Variants in GRB14 observed in about 807,000 individuals in gnomAD.
GRB14 encodes growth factor receptor bound protein 14, also known as growth factor receptor-bound protein 14.
GRB14 carries 38 observed loss-of-function variants against 69.1 expected under a neutral mutation model. The ratio of observed to expected loss-of-function variants is 0.55; its 90% CI spans 0.42 to 0.72. GRB14 has a LOEUF of 0.72. Ranked by LOEUF, GRB14 falls within the 30% of genes least tolerant of loss-of-function variation. The pLI is 0.00. For missense variants in GRB14, 666 were observed against 666.1 expected (o/e 1.00, Z 0.00); for synonymous variants, 247 against 241.3 (o/e 1.02, Z -0.22).
Position 164,621,148 on chromosome 2 carries a change from C to T in GRB14, c.162G>A (p.Pro54=). ...CTGCAGCACAGCCGCGGGTCCCGTC[C>T]GGAAGGGGCAGGAGCGCTCGCGCGT... ...WLHARALLPL[P]DGTRGCAADR... is the part of the protein sequence containing the mutation. The change falls in exon 1 of 14, where the codon CCG becomes CCA. Residue 54 remains proline (P), a synonymous_variant. Transcript: ENST00000263915. The surrounding 1 kb of genome is among the most constrained non-coding windows in gnomAD (Gnocchi z 6.0). The T allele has an allele frequency of 3.2e-6, 4 of 1,246,034 alleles. No homozygotes were observed. The highest frequency in any genetic ancestry group is 3.2e-5 in the East Asian group (1 of 31,726). 77.2% of individuals were successfully genotyped at this position (1,246,034 alleles called of 1,614,324 possible).
chr2:164,555,915 TTTTC>T (rs1408441531), intron 2 of GRB14, among the ~76,000 whole-genome samples: 3 of 151,856 alleles, frequency 2.0e-5, no homozygotes, highest in Non-Finnish European at 4.4e-5. Flanking sequence ...GTTTCAATAT[TTTTC>T]TTTATTATTT....
intron 2 of GRB14, among the ~76,000 whole-genome samples, chr2:164,615,113 T>C (rs1249417770): frequency 6.6e-6 from 1 of 152,182 alleles, no homozygotes; most frequent in Admixed American, 6.5e-5. Context: ...TTATTTAAAC[T>C]GTGGAAGCAT....
At chr2:164,543,142 T>TA (rs546471070) in intron 3 of GRB14, among the ~76,000 whole-genome samples, 6,684 of 147,750 alleles carry the variant, frequency 0.045, 204 homozygotes, top group African/African-American at 0.098. Flanking sequence ...AAAATAAAAT[T>TA]AAAAAAAAAA....
intron 2 of GRB14, among the ~76,000 whole-genome samples, chr2:164,550,864 C>A (rs2105313387): frequency 6.6e-6 from 1 of 152,220 alleles, no homozygotes; most frequent in Non-Finnish European, 1.5e-5. Flanking sequence ...CTTTGTCTAC[C>A]AGTCGCCTAC....
chr2:164,591,200 A>G (rs1689654664), intron 2 of GRB14, among the ~76,000 whole-genome samples: 1 of 152,206 alleles, frequency 6.6e-6, no homozygotes, highest in South Asian at 2.1e-4. Context: ...AAGACTAGGG[A>G]AGGAGAAAGA....
Position 164,621,461 on chromosome 2 carries a change from G to A in GRB14, c.-152C>T, listed in dbSNP as rs1461202062. ...CTGCGCTCGGGGCCCCGGCGGCTGA[G>A]ACGCGCGGCCGAGCTATCTGCGAGG... is the stretch of plus-strand genomic sequence containing the variant. On this transcript the variant is annotated 5_prime_UTR_variant, in exon 1 of 14. Transcript: ENST00000263915. This position sits in a 1 kb window ranked among gnomAD's most constrained non-coding sequence, Gnocchi z 6.0. 1 of 397,186 alleles carries A rather than the reference G, an allele frequency of 2.5e-6. No homozygotes were observed. Among genetic ancestry groups the A allele is most frequent in the Admixed American group, 5.0e-5 (1 of 20,148 alleles). 24.6% of individuals were successfully genotyped at this position (397,186 alleles called of 1,614,324 possible).
chr2:164,544,075 T>G (rs1231991313), intron 3 of GRB14, among the ~76,000 whole-genome samples: 1 of 152,246 alleles, frequency 6.6e-6, no homozygotes, highest in African/African-American at 2.4e-5. Flanking sequence ...AAATTCTTTC[T>G]TATGAGCTTT....
chr2:164,496,573 G>A (rs1686901318), intron 12 of GRB14, among the ~76,000 whole-genome samples: 1 of 151,888 alleles, frequency 6.6e-6, no homozygotes, highest in African/African-American at 2.4e-5. Context: ...TTAAGAAACA[G>A]CTTTTTACTT....
chr2:164,555,711 G>A (rs1356971661), intron 2 of GRB14, among the ~76,000 whole-genome samples: 1 of 150,136 alleles, frequency 6.7e-6, no homozygotes, highest in Non-Finnish European at 1.5e-5. Flanking sequence ...TTTTTAAACA[G>A]AAATATAAAT....
At chr2:164,601,266 G>C (rs2105352405) in intron 2 of GRB14, among the ~76,000 whole-genome samples, 1 of 152,094 alleles carries the variant, frequency 6.6e-6, no homozygotes, top group Non-Finnish European at 1.5e-5. Flanking sequence ...AATGATTTCT[G>C]ACATTTTCTG....
chr2:164,565,532 T>C (rs929151813), intron 2 of GRB14, among the ~76,000 whole-genome samples: 2 of 152,198 alleles, frequency 1.3e-5, no homozygotes, highest in Non-Finnish European at 2.9e-5. Flanking sequence ...TTTCTAGCTC[T>C]GCCACTGACC....
intron 8 of GRB14, among the ~76,000 whole-genome samples, chr2:164,507,002 T>A (rs1414283507): frequency 6.6e-6 from 1 of 152,198 alleles, no homozygotes; most frequent in Non-Finnish European, 1.5e-5. Context: ...AGTTTGCTTT[T>A]GAGGTGATTA....
chr2:164,583,467 T>C (rs1281568007), intron 2 of GRB14, among the ~76,000 whole-genome samples: 3 of 152,216 alleles, frequency 2.0e-5, no homozygotes. Context: ...AGAAGATCTA[T>C]GTAGAATTAA....
intron 2 of GRB14, among the ~76,000 whole-genome samples, chr2:164,579,725 G>T (rs1210641998): frequency 6.6e-6 from 1 of 152,006 alleles, no homozygotes; most frequent in East Asian, 1.9e-4. Context: ...TAAAAATGAT[G>T]TTGAAGAAAA....
chr2:164,521,612 G>A (rs924358745), intron 6 of GRB14, among the ~76,000 whole-genome samples: 14 of 152,202 alleles, frequency 9.2e-5, no homozygotes, highest in South Asian at 4.1e-4. Flanking sequence ...TTGATCAACA[G>A]AGATTCAGAA....
intron 2 of GRB14, among the ~76,000 whole-genome samples, chr2:164,605,386 C>T (rs190041066): frequency 6.6e-6 from 1 of 152,268 alleles, no homozygotes; most frequent in Admixed American, 6.5e-5. Context: ...TTGGAATCTG[C>T]TGAGTTTGAG....
chr2:164,576,089 A>G (rs2105334044), intron 2 of GRB14, among the ~76,000 whole-genome samples: 1 of 152,112 alleles, frequency 6.6e-6, no homozygotes, highest in Middle Eastern at 3.4e-3. Context: ...AATAAAAAGG[A>G]AGAAAGGAGC....
At chr2:164,613,312 A>G (rs141623046) in intron 2 of GRB14, among the ~76,000 whole-genome samples, 115 of 152,196 alleles carry the variant, frequency 7.6e-4, no homozygotes, top group African/African-American at 2.7e-3. Flanking sequence ...CCTAGGACAT[A>G]GTGCCTCCAT....
chr2:164,522,544 T>C (rs1056440505), intron 5 of GRB14, among the ~76,000 whole-genome samples: 6 of 152,142 alleles, frequency 3.9e-5, no homozygotes, highest in Admixed American at 3.3e-4. Flanking sequence ...TCGTTTTCCA[T>C]GGTTTTCCCT....
Sources: gnomAD v4.1 joint callset for allele counts (sites outside exome capture counted in the v4.1 genomes callset) on GRCh38, gnomAD v4.1.1 for gene constraint, Gnocchi (gnomAD v3.1) non-coding constraint, MANE v1.5 for transcripts, NCBI Gene and HGNC (gene_info 2026-07-23, HGNC 2026-07-21) for gene names.